The following TSGA10 variants were observed in gnomAD, a reference collection of about 807,000 sequenced individuals.
TSGA10 encodes the protein testis-specific gene 10 protein.
TSGA10 carries 43 observed loss-of-function variants against 96.6 expected under a neutral mutation model. The ratio of observed to expected loss-of-function variants is 0.44; its 90% confidence interval spans 0.35 to 0.57. The LOEUF is 0.57. Ranked by LOEUF, TSGA10 falls within the 20% of genes least tolerant of loss-of-function variation. TSGA10 has a pLI of 0.01. For missense variants in TSGA10, 703 were observed against 834.4 expected (o/e 0.84, Z 1.94); for synonymous variants, 229 against 269.9 (o/e 0.85, Z 1.48).
chr2:99,103,865 A>C (rs549791450), intron 10 of TSGA10, 102 bp downstream of exon 10: 513 of 1,381,438 alleles, frequency 3.7e-4, no homozygotes, highest in Non-Finnish European at 4.9e-4. Flanking sequence ...TAATCCTCTC[A>C]GAAACTGAAC....
intron 1 of TSGA10, chr2:99,141,688 CGCGCAT>C (rs561314312): frequency 2.0e-5 from 3 of 152,932 alleles, no homozygotes; most frequent in African/African-American, 7.2e-5. Context: ...CTGGATGGAA[CGCGCAT>C]GCGCAAGGCT....
intron 16 of TSGA10, among the ~76,000 whole-genome samples, chr2:99,044,888 G>A (rs143015317): frequency 0.011 from 1,648 of 152,138 alleles, 9 homozygotes; most frequent in Middle Eastern, 0.027. Context: ...ACTCAAAACC[G>A]CACAACTACA....
chr2:99,033,456 G>A (rs550164318), intron 17 of TSGA10, among the ~76,000 whole-genome samples: 1 of 152,288 alleles, frequency 6.6e-6, no homozygotes, highest in South Asian at 2.1e-4. Context: ...ACAGAGAATG[G>A]GTCTCAAAAC....
chr2:99,154,069 G>A (rs2093722854), intron 1 of TSGA10, among the ~76,000 whole-genome samples: 1 of 152,188 alleles, frequency 6.6e-6, no homozygotes, highest in Non-Finnish European at 1.5e-5. Context: ...CTGCTTCCAA[G>A]ATTAGGCCTG....
At chr2:99,100,498 ACCACTGCCT>A (rs2090559242) in intron 10 of TSGA10, among the ~76,000 whole-genome samples, 2 of 152,208 alleles carry the variant, frequency 1.3e-5, no homozygotes, top group Admixed American at 6.5e-5. Context: ...ACAAAACTTG[ACCACTGCCT>A]CACAACATAC....
At chr2:99,020,220 C>T in intron 18 of TSGA10, 60 bp downstream of exon 18, 1 of 1,441,346 alleles carries the variant, frequency 6.9e-7, no homozygotes, top group East Asian at 2.3e-5. Flanking sequence ...CTTAAAATTT[C>T]TACTAAAGTA....
Position 99,131,833 on chromosome 2 carries a change from G to T in TSGA10, c.-620-4657C>A, listed in dbSNP as rs569435426. ...TACTGAGAGTTTTTAGCATGAAGGG[G>T]TGTTGAATTTTATCGAAGGCCTTTT... On this transcript the variant is annotated intron_variant, in intron 1 of 20. Transcript: ENST00000393483. Among the ~76,000 whole-genome samples, 158 of 152,166 alleles carry T rather than the reference G, an allele frequency of 1.0e-3. 1 individual carries two copies. The highest frequency in any genetic ancestry group is 3.4e-3 in the Middle Eastern group (1 of 294).
chr2:99,148,988 A>T (rs1168074466), intron 1 of TSGA10, among the ~76,000 whole-genome samples: 1 of 151,982 alleles, frequency 6.6e-6, no homozygotes, highest in Non-Finnish European at 1.5e-5. Context: ...GACTGGAAAA[A>T]AAATAAATAA....
At chr2:99,050,544 G>T (rs916995813) in intron 16 of TSGA10, among the ~76,000 whole-genome samples, 1 of 151,960 alleles carries the variant, frequency 6.6e-6, no homozygotes, top group East Asian at 1.9e-4. Flanking sequence ...GGAGGAAAAG[G>T]GAATAGAACT....
intron 16 of TSGA10, among the ~76,000 whole-genome samples, chr2:99,054,782 A>G (rs903323089): frequency 6.6e-6 from 1 of 152,208 alleles, no homozygotes; most frequent in Non-Finnish European, 1.5e-5. Flanking sequence ...CAACATTGCT[A>G]ATTATTAAAG....
rs2092958230 is a variant in TSGA10 at position 99,129,188 on chromosome 2, A to C, written c.-620-2012T>G. ...AGGTTTTCTCTGTCTTCTCCACTGCATAATGATCATCTCTTAATTGATATT... is the reference window on the plus strand; with the variant it reads ...AGGTTTTCTCTGTCTTCTCCACTGCCTAATGATCATCTCTTAATTGATATT... On this transcript the variant is annotated intron_variant, in intron 1 of 20. Coordinates refer to ENST00000393483, the MANE Select transcript of TSGA10 (RefSeq NM_025244.4). 3.3e-5 allele frequency among the ~76,000 whole-genome samples: 5 copies of C among 152,220 alleles called. No individual in the cohort carries two copies. The South Asian group carries it at 1.0e-3, about 31-fold the overall frequency.
chr2:99,045,450 T>C (rs968553698), intron 16 of TSGA10, among the ~76,000 whole-genome samples: 1 of 152,164 alleles, frequency 6.6e-6, no homozygotes, highest in Non-Finnish European at 1.5e-5. Context: ...AAGAAAAGAA[T>C]TTTCAACGCA....
chr2:99,008,335 T>C (rs903922322), intron 20 of TSGA10, among the ~76,000 whole-genome samples: 1 of 152,130 alleles, frequency 6.6e-6, no homozygotes, highest in Non-Finnish European at 1.5e-5. Flanking sequence ...TACTAAAAAT[T>C]TTTTTAACAA....
intron 16 of TSGA10, among the ~76,000 whole-genome samples, chr2:99,056,297 T>A (rs998753972): frequency 6.6e-6 from 1 of 152,096 alleles, no homozygotes; most frequent in African/African-American, 2.4e-5. Flanking sequence ...TGTAGCTAGA[T>A]TGATCTAGAA....
chr2:98,998,325 T>A, intron 20 of TSGA10, 104 bp from the exon 21 acceptor site: 1 of 914,386 alleles, frequency 1.1e-6, no homozygotes. Flanking sequence ...AAACGTAAGA[T>A]TTTTCTTCAT....
chr2:99,055,232 T>G (rs948019524), intron 16 of TSGA10, among the ~76,000 whole-genome samples: 1 of 152,122 alleles, frequency 6.6e-6, no homozygotes, highest in African/African-American at 2.4e-5. Flanking sequence ...TAGAGGTTCA[T>G]TATGCTAAGT....
intron 20 of TSGA10, among the ~76,000 whole-genome samples, chr2:99,003,819 A>G: frequency 6.6e-6 from 1 of 152,240 alleles, no homozygotes; most frequent in East Asian, 1.9e-4. Flanking sequence ...AGGGAAATTT[A>G]TAGCATTAAA....
At chr2:99,141,156 T>C (rs1057124477) in intron 1 of TSGA10, 5 of 1,266,316 alleles carry the variant, frequency 3.9e-6, no homozygotes, top group Middle Eastern at 2.2e-4. Flanking sequence ...GACTGTCAGC[T>C]CTCGGCCTCA....
intron 4 of TSGA10, among the ~76,000 whole-genome samples, 168 bp from the exon 5 acceptor site, chr2:99,111,083 A>G (rs2091768430): frequency 6.6e-6 from 1 of 152,170 alleles, no homozygotes; most frequent in Non-Finnish European, 1.5e-5. Context: ...AAAAGATAAA[A>G]GATGATTTAC....
Sources: allele counts gnomAD v4.1 joint callset (sites outside exome capture counted in the v4.1 genomes callset), GRCh38; gene constraint gnomAD v4.1.1; transcripts MANE v1.5; gene names NCBI Gene and HGNC (gene_info 2026-07-23, HGNC 2026-07-21).